FAM76A: variants seen among roughly 807,000 people sequenced by gnomAD.
FAM76A encodes the protein family with sequence similarity 76 member A, also known as protein FAM76A.
FAM76A carries 32 observed loss-of-function variants against 46.2 expected under a neutral mutation model. The ratio of observed to expected loss-of-function variants is 0.69; its 90% CI spans 0.52 to 0.93. The LOEUF (loss-of-function observed/expected upper bound fraction) is 0.93, where lower values mean the gene tolerates loss of function less well. FAM76A is among the 40% of genes least tolerant of loss of function. The probability of loss-of-function intolerance (pLI) is 0.00; values close to 1 mark genes in which losing one functional copy is unlikely to be tolerated. For missense variants in FAM76A, 274 were observed against 361.5 expected, an observed-to-expected ratio of 0.76 and a Z score of 1.96; for synonymous variants, 137 against 127.0, an observed-to-expected ratio of 1.08 and a Z score of -0.53.
Position 27,725,992 on chromosome 1 carries a change from G to C in FAM76A, c.-89G>C, listed in dbSNP as rs923263625. On this transcript the variant is annotated 5_prime_UTR_variant, in exon 1 of 9. Coordinates refer to ENST00000373954, the MANE Select transcript of FAM76A (RefSeq NM_152660.3). ...GCCCGCCCGCCTGCCGCAGCCAGCAGCCTGCAGCCGCCGCCGGGTTGTGCC... is the reference window on the plus strand; with the variant it reads ...GCCCGCCCGCCTGCCGCAGCCAGCACCCTGCAGCCGCCGCCGGGTTGTGCC... The C allele has an allele frequency of 1.8e-5, 19 of 1,082,280 alleles. 1 individual carries two copies. In the South Asian group the frequency reaches 7.2e-4, roughly 41 times the overall value. 67.0% of individuals were successfully genotyped at this position (1,082,280 alleles called of 1,614,324 possible).
chr1:27,734,899 A>G (rs1317580598), intron 4 of FAM76A, among the ~76,000 whole-genome samples: 1 of 152,244 alleles, frequency 6.6e-6, no homozygotes, highest in African/African-American at 2.4e-5. Context: ...GGGAAGCTCT[A>G]TGTGGAAGGG....
Position 27,744,719 on chromosome 1 carries a change from A to G in FAM76A, c.420A>G (p.Lys140=), listed in dbSNP as rs533452379. The part of the protein sequence containing the change: ...LSYKRVLQKT[K]EQRKHLSSSS... ...ACAAACGGGTCCTTCAGAAGACCAA[A>G]GAGCAGAGGAAACACCTGAGTAGCT... Residue 140 remains lysine, a synonymous_variant, in exon 5 of 9, where the codon AAA becomes AAG. Transcript: ENST00000373954. The G allele has an allele frequency of 1.2e-6, 2 of 1,614,170 alleles. No individual in the cohort carries two copies. Among genetic ancestry groups the G allele is most frequent in the Admixed American group, 3.3e-5 (2 of 60,014 alleles).
At chr1:27,739,767 G>A (rs892497054) in intron 4 of FAM76A, among the ~76,000 whole-genome samples, 3 of 152,172 alleles carry the variant, frequency 2.0e-5, no homozygotes, top group Non-Finnish European at 4.4e-5. Flanking sequence ...CAGCCTGGGC[G>A]AGATTGTGAG....
At chr1:27,739,941 G>T in intron 4 of FAM76A, 1 of 234,250 alleles carries the variant, frequency 4.3e-6, no homozygotes, top group South Asian at 6.2e-5. Flanking sequence ...ACTTACCCTT[G>T]GGAGCCAGTG....
chr1:27,757,197 T>G (rs2088425029), intron 7 of FAM76A, among the ~76,000 whole-genome samples: 1 of 127,148 alleles, frequency 7.9e-6, no homozygotes, highest in Non-Finnish European at 1.7e-5. Context: ...TCTTTTTTTT[T>G]TTTTTTTTTT....
chr1:27,734,043 C>A lies in FAM76A; in HGVS notation c.214C>A (p.Gln72Lys). The change falls in exon 4 of 9, where the codon CAG (glutamine) becomes AAG (lysine). Residue 72 changes from glutamine to lysine, a missense_variant. Physicochemically the swap from Gln to Lys is moderately conservative, Grantham distance 53. Coordinates refer to ENST00000373954, the MANE Select transcript of FAM76A (RefSeq NM_152660.3). ...VQLYGTPKPCQYCNIIAAFIG... is the reference protein window; with the variant it reads ...VQLYGTPKPCKYCNIIAAFIG... ...TTCCCCTTTTAAGCCCAAACCTTGT[C>A]AGTATTGCAACATAATTGCAGCATT... is the stretch of plus-strand genomic sequence containing the variant. 6.2e-7 allele frequency: 1 copy of A among 1,606,844 alleles called. No individual in the cohort carries two copies. Among genetic ancestry groups the A allele is most frequent in the South Asian group, 1.1e-5 (1 of 88,768 alleles).
rs546911199 is a variant in FAM76A, at chr1:27,740,982, G to A, written c.355-3672G>A. On this transcript the variant is annotated intron_variant, in intron 4 of 8. Coordinates refer to ENST00000373954, the MANE Select transcript of FAM76A (RefSeq NM_152660.3). ...CTCTACTAAAATACAAAATTAGCCG[G>A]GCGTGGTGGTGCATGCCTATAATCC... Among the ~76,000 whole-genome samples, 64 of 151,920 alleles carry A rather than the reference G, an allele frequency of 4.2e-4. 1 individual carries two copies. The highest frequency in any genetic ancestry group is 1.5e-3 in the African/African-American group (63 of 41,432).
chr1:27,754,855 G>T (rs992166231), intron 6 of FAM76A, among the ~76,000 whole-genome samples: 4 of 152,182 alleles, frequency 2.6e-5, no homozygotes, highest in Non-Finnish European at 5.9e-5. Context: ...CAAAAATTAG[G>T]ATGGTTTTTC....
intron 4 of FAM76A, among the ~76,000 whole-genome samples, chr1:27,742,869 G>C (rs940445929): frequency 1.3e-5 from 2 of 152,038 alleles, no homozygotes; most frequent in African/African-American, 4.8e-5. Context: ...GACCAGCCTG[G>C]CCATCGTGGT....
intron 2 of FAM76A, among the ~76,000 whole-genome samples, chr1:27,731,376 T>C (rs1006603620): frequency 5.3e-5 from 8 of 151,600 alleles, no homozygotes; most frequent in Non-Finnish European, 1.0e-4. Context: ...GCTAATTTTT[T>C]TGAATTTTTA....
At chr1:27,742,651 T>G (rs1333697797) in intron 4 of FAM76A, among the ~76,000 whole-genome samples, 1 of 152,098 alleles carries the variant, frequency 6.6e-6, no homozygotes, top group African/African-American at 2.4e-5. Flanking sequence ...AGGAATAAGT[T>G]GAAGAGATCC....
At chr1:27,748,858 A>AT (rs879573533) in intron 5 of FAM76A, among the ~76,000 whole-genome samples, 79 of 148,908 alleles carry the variant, frequency 5.3e-4, no homozygotes, top group Middle Eastern at 3.5e-3. Flanking sequence ...AAGGCCAAGA[A>AT]TTTTTTTTTT....
Position 27,726,003 on chromosome 1 carries a change from C to T in FAM76A, c.-78C>T. On this transcript the variant is annotated 5_prime_UTR_variant, in exon 1 of 9. Coordinates refer to ENST00000373954, the MANE Select transcript of FAM76A (RefSeq NM_152660.3). The stretch of plus-strand genomic sequence containing the variant: ...TGCCGCAGCCAGCAGCCTGCAGCCG[C>T]CGCCGGGTTGTGCCTCAGACTGTCA... 8.6e-7 allele frequency: 1 copy of T among 1,160,628 alleles called. No individual in the cohort carries two copies. The highest frequency in any genetic ancestry group is 1.1e-6 in the Non-Finnish European group (1 of 925,636). 71.9% of individuals were successfully genotyped at this position (1,160,628 alleles called of 1,614,324 possible).
chr1:27,738,791 T>C (rs2148572771), intron 4 of FAM76A, among the ~76,000 whole-genome samples: 1 of 152,096 alleles, frequency 6.6e-6, no homozygotes, highest in Non-Finnish European at 1.5e-5. Context: ...TGACAGAGAG[T>C]GACTGGGAAG....
At chr1:27,758,980 T>C (rs2088460821) in intron 7 of FAM76A, among the ~76,000 whole-genome samples, 1 of 152,116 alleles carries the variant, frequency 6.6e-6, no homozygotes, top group Non-Finnish European at 1.5e-5. Context: ...GCCTATACTG[T>C]TCTCTGCTTG....
In FAM76A at chr1:27,759,531, A is replaced by G. The variant is rs2088467848; in HGVS notation, c.741A>G (p.Thr247=). The G allele has an allele frequency of 2.5e-6, 4 of 1,606,644 alleles. No homozygotes were observed. The highest frequency in any genetic ancestry group is 1.7e-6 in the Non-Finnish European group (2 of 1,177,128). The change falls in exon 8 of 9, where the codon ACA becomes ACG. Residue 247 remains threonine, a synonymous_variant. Coordinates refer to ENST00000373954, the MANE Select transcript of FAM76A (RefSeq NM_152660.3). ...TTCTGCCTTGTTTCCCTCAGATTAC[A>G]GAGTTGAAGGCTGATTTTCAGTACC... ...QMILEKEKKI[T]ELKADFQYQE...
chr1:27,742,697 T>G (rs774018482), intron 4 of FAM76A, among the ~76,000 whole-genome samples: 20 of 152,178 alleles, frequency 1.3e-4, no homozygotes, highest in Non-Finnish European at 2.5e-4. Flanking sequence ...AATAAAATTA[T>G]AGTTGAAATT....
At chr1:27,754,215 TC>T (rs2088375383) in intron 6 of FAM76A, among the ~76,000 whole-genome samples, 1 of 151,374 alleles carries the variant, frequency 6.6e-6, no homozygotes, top group Non-Finnish European at 1.5e-5. Context: ...CAAGCAATTG[TC>T]CTGTCTCAGC....
In FAM76A at chr1:27,761,197, G is replaced by C. The variant is rs71642213; in HGVS notation, c.*616G>C. ...AGAGTTTTATTTATTTTTTAAAAAA[G>C]AAACTTTTTCTTGATAAAGGAATAA... is the stretch of plus-strand genomic sequence containing the variant. On this transcript the variant is annotated 3_prime_UTR_variant, in exon 9 of 9. Coordinates refer to ENST00000373954, the MANE Select transcript of FAM76A (RefSeq NM_152660.3). 6.6e-6 allele frequency: 1 copy of C among 151,916 alleles called. No individual in the cohort carries two copies. Among genetic ancestry groups the C allele is most frequent in the Non-Finnish European group, 1.5e-5 (1 of 67,898 alleles). The allele number at this position is 151,916 out of a possible 1,614,324, so 9.4% of individuals were successfully genotyped here. A position where few individuals can be genotyped will look rare whatever the true frequency, so the allele number is the denominator to read the frequency against.
Sources: gnomAD v4.1 joint callset for allele counts (sites outside exome capture counted in the v4.1 genomes callset) on GRCh38, gnomAD v4.1.1 for gene constraint, MANE v1.5 for transcripts, NCBI Gene and HGNC (gene_info 2026-07-23, HGNC 2026-07-21) for gene names.